PRDM4: variants seen among roughly 807,000 people sequenced by gnomAD.
PRDM4 encodes the protein PR domain zinc finger protein 4.
A neutral mutation model predicts 62.3 loss-of-function variants in PRDM4; 38 were observed. The ratio of observed to expected loss-of-function variants is 0.61; its 90% CI spans 0.47 to 0.80. The LOEUF (loss-of-function observed/expected upper bound fraction) is 0.80. Among genes scored for constraint, PRDM4 ranks in the 30% least tolerant of loss-of-function variants. PRDM4 has a pLI of 0.00. For missense variants in PRDM4, 858 were observed against 997.1 expected (o/e 0.86, Z 1.88); for synonymous variants, 339 against 348.2 (o/e 0.97, Z 0.30).
chr12:107,760,474 C>T, intron 2 of PRDM4, 31 bp downstream of exon 2: 2 of 1,612,738 alleles, frequency 1.2e-6, no homozygotes, highest in Non-Finnish European at 1.7e-6. Flanking sequence ...CCAACGATGT[C>T]ACCAGTGCTG....
intron 5 of PRDM4, among the ~76,000 whole-genome samples, chr12:107,746,844 T>C (rs11113463): frequency 0.18 from 28,142 of 152,144 alleles, 3,645 homozygotes; most frequent in East Asian, 0.52. Context: ...ACGGTTCTAA[T>C]AGAGATATTC....
At chr12:107,755,057 A>C (rs1353069113) in intron 3 of PRDM4, among the ~76,000 whole-genome samples, 1 of 152,192 alleles carries the variant, frequency 6.6e-6, no homozygotes, top group Admixed American at 6.5e-5. Flanking sequence ...CAACTTGGTC[A>C]GTGCTGATTT....
chr12:107,741,597 T>C (rs1001566372), intron 9 of PRDM4, among the ~76,000 whole-genome samples: 2 of 151,700 alleles, frequency 1.3e-5, no homozygotes, highest in East Asian at 1.9e-4. Flanking sequence ...TGTACACCCA[T>C]AGTCCTAGCT....
intron 11 of PRDM4, 183 bp downstream of exon 11, chr12:107,739,200 A>AT (rs1398442388): frequency 5.4e-6 from 3 of 554,758 alleles, no homozygotes; most frequent in Non-Finnish European, 9.1e-6. Context: ...ATCTTCCAGG[A>AT]TAACACCAAA....
intron 5 of PRDM4, among the ~76,000 whole-genome samples, chr12:107,748,517 A>C (rs1458227764): frequency 6.6e-6 from 1 of 152,254 alleles, no homozygotes; most frequent in African/African-American, 2.4e-5. Context: ...TGAAGTACAA[A>C]TACATGCTAC....
In PRDM4 at chr12:107,734,052, T is replaced by C. The variant is rs1890248409; in HGVS notation, c.*158A>G. 2.8e-6 allele frequency: 2 copies of C among 724,932 alleles called. No homozygotes were observed. The highest frequency in any genetic ancestry group is 4.1e-5 in the South Asian group (2 of 49,372). 44.9% of individuals were successfully genotyped at this position (724,932 alleles called of 1,614,324 possible). On this transcript the variant is annotated 3_prime_UTR_variant, in exon 12 of 12. Transcript: ENST00000228437. ...CTGTTTTAAAGTGTTTTCATTAGGATACTCTTCTGTAAGTGCTTTATTCAT... is the reference window on the plus strand; with the variant it reads ...CTGTTTTAAAGTGTTTTCATTAGGACACTCTTCTGTAAGTGCTTTATTCAT...
At chr12:107,754,392 G>T (rs180994978) in intron 3 of PRDM4, among the ~76,000 whole-genome samples, 1 of 151,924 alleles carries the variant, frequency 6.6e-6, no homozygotes, top group Non-Finnish European at 1.5e-5. Context: ...TTAATTTATC[G>T]ATTGATTTGA....
At chr12:107,754,500 A>G (rs972471636) in intron 3 of PRDM4, among the ~76,000 whole-genome samples, 4 of 152,082 alleles carry the variant, frequency 2.6e-5, no homozygotes, top group African/African-American at 9.7e-5. Flanking sequence ...CTCCTACCTC[A>G]GCCTCCTGAG....
rs1593158486 is a variant in PRDM4 at position 107,734,087 on chromosome 12, G to A, written c.*123C>T. 4.9e-6 allele frequency: 5 copies of A among 1,028,044 alleles called. No individual in the cohort carries two copies. Among genetic ancestry groups the A allele is most frequent in the African/African-American group, 3.2e-5 (2 of 61,776 alleles). The allele number at this position is 1,028,044 out of a possible 1,614,324, so 63.7% of individuals were successfully genotyped here. ...TAAGTGCTTTATTCATTCCCAGTCT[G>A]TTTTGATTACTGGCTGAAAATAAAT... On this transcript the variant is annotated 3_prime_UTR_variant, in exon 12 of 12. Transcript: ENST00000228437.
chr12:107,735,513 T>A (rs1266897931), intron 11 of PRDM4, among the ~76,000 whole-genome samples: 3 of 152,042 alleles, frequency 2.0e-5, no homozygotes, highest in Non-Finnish European at 4.4e-5. Flanking sequence ...GGCGACTGCC[T>A]CTATGGGGAC....
rs148431138 is a variant in PRDM4, at chr12:107,742,847, T to A, written c.1481+350A>T. 1.0e-3 allele frequency among the ~76,000 whole-genome samples: 156 copies of A among 151,408 alleles called. 1 individual carries two copies. The highest frequency in any genetic ancestry group is 3.4e-3 in the African/African-American group (142 of 41,354). On this transcript the variant is annotated intron_variant, in intron 8 of 11. Transcript: ENST00000228437. Reference sequence around the variant, plus strand: ...AGCACCACCATAGTATGATCACAGCTTGAACTCTTCAGCTCAAATGATCCT... The same window carrying A: ...AGCACCACCATAGTATGATCACAGCATGAACTCTTCAGCTCAAATGATCCT...
In PRDM4 at chr12:107,758,651, G is replaced by A. The variant is rs146917399; in HGVS notation, c.12-1686C>T. Among the ~76,000 whole-genome samples, 104 of 152,188 alleles carry A rather than the reference G, an allele frequency of 6.8e-4. 2 individuals carry two copies. Among genetic ancestry groups the A allele is most frequent in the African/African-American group, 2.4e-3 (100 of 41,520 alleles). Reference sequence around the variant, plus strand: ...ACAATTACAATAAAAGAACTATATTGCCTTTTACACAGTTGCAATACATTA... The same window carrying A: ...ACAATTACAATAAAAGAACTATATTACCTTTTACACAGTTGCAATACATTA... On this transcript the variant is annotated intron_variant, in intron 2 of 11. Transcript: ENST00000228437.
chr12:107,740,486 C>CA (rs201164901), intron 10 of PRDM4, among the ~76,000 whole-genome samples: 75 of 147,798 alleles, frequency 5.1e-4, no homozygotes, highest in Middle Eastern at 3.5e-3. Context: ...GGCCCTATCT[C>CA]AAAAAAAAAT....
chr12:107,743,117 T>A, intron 8 of PRDM4, 80 bp downstream of exon 8: 3 of 748,590 alleles, frequency 4.0e-6, no homozygotes, highest in South Asian at 4.1e-5. Flanking sequence ...GATTCTTAAC[T>A]CTTTCTTCTT....
chr12:107,747,247 A>G (rs184860305), intron 5 of PRDM4, among the ~76,000 whole-genome samples: 2 of 152,238 alleles, frequency 1.3e-5, no homozygotes, highest in East Asian at 3.9e-4. Context: ...AAAAGATTCC[A>G]ATTCTGAACT....
chr12:107,734,318 T>C lies in PRDM4; in HGVS notation c.2298A>G (p.Glu766=). Residue 766 remains glutamate, a synonymous_variant, in exon 12 of 12, where the codon GAA becomes GAG. Coordinates refer to ENST00000228437, the MANE Select transcript of PRDM4 (RefSeq NM_012406.4). ...TSSSSAPEEE[E]EDDSEEEDLA... ...GATCTTCCTCTTCTGAGTCATCCTC[T>C]TCTTCCTCCTCTGGTGCTGACGAAC... The C allele has an allele frequency of 6.2e-7, 1 of 1,614,222 alleles. No homozygotes were observed. Among genetic ancestry groups the C allele is most frequent in the Non-Finnish European group, 8.5e-7 (1 of 1,180,030 alleles).
At position 107,754,227 on chromosome 12, in the gene PRDM4, T is replaced by C. The variant is rs1890992808; in HGVS notation, c.146-118A>G. The C allele has an allele frequency of 4.2e-6, 3 of 719,502 alleles. No homozygotes were observed. The African/African-American group carries it at 5.4e-5, about 13-fold the overall frequency. The allele number at this position is 719,502 out of a possible 1,614,324, so 44.6% of individuals were successfully genotyped here. A position where few individuals can be genotyped will look rare whatever the true frequency, so the allele number is the denominator to read the frequency against. Reference sequence around the variant, plus strand: ...ACACATGGGCAAAAATCTCACCTACTAGCCCTTTTCATCCTTAGATAATGT... The same window carrying C: ...ACACATGGGCAAAAATCTCACCTACCAGCCCTTTTCATCCTTAGATAATGT... On this transcript the variant is annotated intron_variant, in intron 3 of 11. Transcript: ENST00000228437.
In PRDM4 at chr12:107,754,005, C is replaced by T. The variant is rs937193623; in HGVS notation, c.250G>A (p.Gly84Arg). ...MGIGDRGVMC[G>R]LPERNYTLPP... Reference sequence around the variant, plus strand: ...AGGGTGTAGTTTCTTTCAGGTAACCCACACATCACCCCTCGATCCCCAATA... The same window carrying T: ...AGGGTGTAGTTTCTTTCAGGTAACCTACACATCACCCCTCGATCCCCAATA... The change falls in exon 4 of 12, where the codon GGG (glycine) becomes AGG (arginine). Residue 84 changes from glycine (G) to arginine (R), a missense_variant. Physicochemically the swap from Gly to Arg is moderately radical, Grantham distance 125. This residue lies in a region of PRDM4 where 499 missense variants were observed against 546.7 expected (regional missense o/e 0.91). Transcript: ENST00000228437. The T allele has an allele frequency of 6.2e-7, 1 of 1,614,002 alleles. No individual in the cohort carries two copies. Among genetic ancestry groups the T allele is most frequent in the South Asian group, 1.1e-5 (1 of 91,082 alleles).
intron 11 of PRDM4, among the ~76,000 whole-genome samples, chr12:107,735,260 A>G (rs1031620369): frequency 1.3e-5 from 2 of 152,250 alleles, no homozygotes; most frequent in Non-Finnish European, 2.9e-5. Context: ...GGATATGCAC[A>G]TCTTCAACTT....
Sources: allele counts gnomAD v4.1 joint callset (sites outside exome capture counted in the v4.1 genomes callset), GRCh38; gene constraint gnomAD v4.1.1; regional missense constraint gnomAD v4.1.1; transcripts MANE v1.5; gene names NCBI Gene and HGNC (gene_info 2026-07-23, HGNC 2026-07-21).